EYA1: variants seen among roughly 807,000 people sequenced by gnomAD.
The protein encoded by EYA1 is protein phosphatase EYA1.
EYA1 carries 16 observed loss-of-function variants against 82.0 expected under a neutral mutation model. That is an observed-to-expected ratio of 0.20 (90% CI 0.13 to 0.30). The LOEUF is 0.30. Ranked by LOEUF, EYA1 falls within the 10% of genes least tolerant of loss-of-function variation. EYA1 has a pLI of 1.00. For missense variants in EYA1, 633 were observed against 730.7 expected, an observed-to-expected ratio of 0.87 and a Z score of 1.54; for synonymous variants, 261 against 264.4, an observed-to-expected ratio of 0.99 and a Z score of 0.12.
chr8:71,305,031 G>C (rs1820577283), intron 7 of EYA1, among the ~76,000 whole-genome samples: 1 of 142,958 alleles, frequency 7.0e-6, no homozygotes, highest in African/African-American at 2.5e-5. Flanking sequence ...GAGAGAGACA[G>C]GATAAGACAT....
At chr8:71,529,456 TG>T (rs1173052797) in intron 2 of EYA1, 1 of 152,216 alleles carries the variant, frequency 6.6e-6, no homozygotes, top group African/African-American at 2.4e-5. Context: ...TTATAGGTGA[TG>T]GCATATCAAG....
rs529394885 is a variant in EYA1 at position 71,377,134 on chromosome 8, A to G, written c.34-20623T>C. Among the ~76,000 whole-genome samples the G allele has an allele frequency of 9.8e-5, 15 of 152,316 alleles. No homozygotes were observed. In the East Asian group the frequency reaches 2.7e-3, roughly 27 times the overall value. On this transcript the variant is annotated intron_variant, in intron 2 of 18. Coordinates refer to the EYA1 transcript ENST00000643681. ...GGGTTTGGCAAATAAGACATTAACAAGGAGGAAGCAAGCAGATACTAAATG... is the reference window on the plus strand; with the variant it reads ...GGGTTTGGCAAATAAGACATTAACAGGGAGGAAGCAAGCAGATACTAAATG...
chr8:71,361,655 C>A lies in EYA1; in HGVS notation c.-63G>T, dbSNP rs1409233936. 11 of 985,190 alleles carry A rather than the reference C, an allele frequency of 1.1e-5. No individual in the cohort carries two copies. Among genetic ancestry groups the A allele is most frequent in the Non-Finnish European group, 1.3e-5 (11 of 829,782 alleles). The allele number at this position is 985,190 out of a possible 1,614,324, so 61.0% of individuals were successfully genotyped here. On this transcript the variant is annotated 5_prime_UTR_variant, in exon 1 of 18. The change abolishes an upstream ATG in the 5' untranslated region. Transcript: ENST00000340726. Reference sequence around the variant, plus strand: ...AGTCAGCTTGTACTTACAGCGCTTACATCTGCTGCATCCACCAGTTTAATG... The same window carrying A: ...AGTCAGCTTGTACTTACAGCGCTTAAATCTGCTGCATCCACCAGTTTAATG...
At position 71,255,445 on chromosome 8, in the gene EYA1, A is replaced by G. The variant is rs189774778; in HGVS notation, c.1051-10753T>C. Among the ~76,000 whole-genome samples the G allele has an allele frequency of 2.2e-3, 328 of 152,344 alleles. 1 individual carries two copies. The highest frequency in any genetic ancestry group is 7.3e-3 in the African/African-American group (303 of 41,578). On this transcript the variant is annotated intron_variant, in intron 11 of 17. Transcript: ENST00000340726. Reference sequence around the variant, plus strand: ...AGAGAGACCAGAAATAAGCCCTCACATGTATGATAAGATGATTTTCAATAA... The same window carrying G: ...AGAGAGACCAGAAATAAGCCCTCACGTGTATGATAAGATGATTTTCAATAA...
intron 2 of EYA1, among the ~76,000 whole-genome samples, chr8:71,441,395 G>A (rs28568866): frequency 0.017 from 2,530 of 152,106 alleles, 34 homozygotes; most frequent in Non-Finnish European, 0.028. Flanking sequence ...GAGTGACAGA[G>A]TGAAACTCCA....
Position 71,289,839 on chromosome 8 carries a change from A to T in EYA1, c.826+9208T>A, listed in dbSNP as rs57386294. 9.0e-3 allele frequency among the ~76,000 whole-genome samples: 1,367 copies of T among 152,284 alleles called. 24 individuals are homozygous for T. The highest frequency in any genetic ancestry group is 0.031 in the African/African-American group (1,297 of 41,558). ...ACCCACAACAAAAATACTTACTGAA[A>T]TTTTCTCTGTATATTGTCTAGTGAA... On this transcript the variant is annotated intron_variant, in intron 9 of 17. Coordinates refer to ENST00000340726, the MANE Select transcript of EYA1 (RefSeq NM_000503.6).
At chr8:71,211,814 G>C (rs180702073) in intron 16 of EYA1, among the ~76,000 whole-genome samples, 7 of 152,294 alleles carry the variant, frequency 4.6e-5, no homozygotes, top group African/African-American at 1.7e-4. Flanking sequence ...TAAAGACCCT[G>C]AAAGTCTGAT....
intron 2 of EYA1, among the ~76,000 whole-genome samples, chr8:71,526,054 A>G (rs1813793282): frequency 6.6e-6 from 1 of 152,172 alleles, no homozygotes; most frequent in Non-Finnish European, 1.5e-5. Flanking sequence ...AGAATAAAAT[A>G]TATGCTAATT....
chr8:71,268,117 C>T (rs746257777), intron 11 of EYA1, among the ~76,000 whole-genome samples: 4 of 152,160 alleles, frequency 2.6e-5, no homozygotes, highest in Non-Finnish European at 4.4e-5. Flanking sequence ...TCATGGGATG[C>T]CTAACTCCTT....
chr8:71,425,546 G>A (rs904341943), intron 2 of EYA1, among the ~76,000 whole-genome samples: 2 of 152,034 alleles, frequency 1.3e-5, no homozygotes, highest in African/African-American at 4.8e-5. Context: ...AATGGGAAAA[G>A]TACCTTCTGC....
At chr8:71,355,208 T>C (rs1178232544) in intron 2 of EYA1, among the ~76,000 whole-genome samples, 1 of 152,226 alleles carries the variant, frequency 6.6e-6, no homozygotes, top group Non-Finnish European at 1.5e-5. Flanking sequence ...TGACATCTAT[T>C]ATAATTTTCA....
chr8:71,354,767 A>C lies in EYA1; in HGVS notation c.124+15T>G. ...AACAAGGTGCAAAGTAAATAGTGAG[A>C]AGGCAGACACTCACCTTCGGTGCCA... On this transcript the variant is annotated intron_variant, in intron 3 of 17. Coordinates refer to ENST00000340726, the MANE Select transcript of EYA1 (RefSeq NM_000503.6). The C allele has an allele frequency of 6.2e-7, 1 of 1,611,850 alleles. No individual in the cohort carries two copies. Among genetic ancestry groups the C allele is most frequent in the Non-Finnish European group, 8.5e-7 (1 of 1,178,440 alleles).
At chr8:71,266,466 A>G (rs1815824843) in intron 11 of EYA1, among the ~76,000 whole-genome samples, 1 of 152,132 alleles carries the variant, frequency 6.6e-6, no homozygotes, top group Non-Finnish European at 1.5e-5. Context: ...TCTAATGAGG[A>G]AATCATTAAG....
rs1478602440 is a variant in EYA1, at chr8:71,321,769, G to A, written c.383C>T (p.Pro128Leu). 1 of 1,614,192 alleles carries A rather than the reference G, an allele frequency of 6.2e-7. No individual in the cohort carries two copies. Residue 128 changes from proline to leucine, a missense_variant, in exon 6 of 18, where the codon CCA (proline) becomes CTA (leucine). Physicochemically the swap from Pro to Leu is moderately conservative, Grantham distance 98 (BLOSUM62 -3). Transcript: ENST00000340726. ...MQQATAYATY[P>L]QPGQPYGISS... ...AATGCCGTACGGCTGTCCTGGCTGT[G>A]GGTACGTGGCATAGGCTGTAGCTTG... is the stretch of plus-strand genomic sequence containing the variant.
intron 2 of EYA1, among the ~76,000 whole-genome samples, chr8:71,413,155 A>G (rs1830695156): frequency 6.6e-6 from 1 of 152,238 alleles, no homozygotes; most frequent in Non-Finnish European, 1.5e-5. Flanking sequence ...GAATAAAATC[A>G]AAGATGACCA....
chr8:71,481,510 T>C (rs1403989602), intron 2 of EYA1, among the ~76,000 whole-genome samples: 1 of 152,154 alleles, frequency 6.6e-6, no homozygotes, highest in Non-Finnish European at 1.5e-5. Flanking sequence ...AAAAGAAAAA[T>C]GTTTTTTTCT....
At chr8:71,447,337 G>T (rs539802887) in intron 2 of EYA1, among the ~76,000 whole-genome samples, 1 of 151,872 alleles carries the variant, frequency 6.6e-6, no homozygotes, top group South Asian at 2.1e-4. Flanking sequence ...TCTGCAAAAG[G>T]CCAGAACTAC....
At chr8:71,486,465 A>AC (rs1183910927) in intron 2 of EYA1, among the ~76,000 whole-genome samples, 1 of 152,206 alleles carries the variant, frequency 6.6e-6, no homozygotes, top group African/African-American at 2.4e-5. Context: ...TTAGAAAAGA[A>AC]CCTGGGGGTC....
At chr8:71,521,370 A>G (rs1813386365) in intron 2 of EYA1, among the ~76,000 whole-genome samples, 1 of 152,160 alleles carries the variant, frequency 6.6e-6, no homozygotes. Flanking sequence ...TGAGATACTC[A>G]TAGTCTAATT....
Sources: gnomAD v4.1 joint callset for allele counts (sites outside exome capture counted in the v4.1 genomes callset) on GRCh38, gnomAD v4.1.1 for gene constraint, MANE v1.5 for transcripts, NCBI Gene and HGNC (gene_info 2026-07-23, HGNC 2026-07-21) for gene names.